PDE8B: variants seen among roughly 807,000 people sequenced by gnomAD.
The protein encoded by PDE8B is high affinity cAMP-specific and IBMX-insensitive 3',5'-cyclic phosphodiesterase 8B.
In PDE8B, 26 loss-of-function variants were observed where a neutral mutation model predicts 101.3. The ratio of observed to expected loss-of-function variants is 0.26; its 90% confidence interval spans 0.19 to 0.36. The LOEUF (loss-of-function observed/expected upper bound fraction) is 0.36, where lower values mean the gene tolerates loss of function less well. PDE8B is among the 10% of genes least tolerant of loss of function. PDE8B has a pLI of 1.00. For synonymous variants in PDE8B, 424 were observed against 429.3 expected, an observed-to-expected ratio of 0.99 and a Z score of 0.15; for missense variants, 810 against 1,163.1, an observed-to-expected ratio of 0.70 and a Z score of 4.42.
At chr5:77,156,747 C>T in the PDE8B span, among the ~76,000 whole-genome samples, 1 of 152,014 alleles carries the variant, frequency 6.6e-6, no homozygotes, top group Non-Finnish European at 1.5e-5. Context: ...AGGAGCTCCA[C>T]CCCTCACTCT....
intron 20 of PDE8B, among the ~76,000 whole-genome samples, chr5:77,423,631 A>T (rs1678771): frequency 0.091 from 2,400 of 26,512 alleles, 78 homozygotes; most frequent in South Asian, 0.13. Context: ...TGTTTTGTTT[A>T]GTTTTTTTTT....
At chr5:77,409,883 A>T (rs1390398932) in intron 14 of PDE8B, among the ~76,000 whole-genome samples, 1 of 152,218 alleles carries the variant, frequency 6.6e-6, no homozygotes, top group East Asian at 1.9e-4. Flanking sequence ...CTCCACCTGG[A>T]ACTTGAGGGC....
At chr5:77,314,382 G>C (rs941505495) in intron 2 of PDE8B, among the ~76,000 whole-genome samples, 1 of 151,966 alleles carries the variant, frequency 6.6e-6, no homozygotes, top group Admixed American at 6.6e-5. Context: ...TTGCATCTTT[G>C]TATGAATTTT....
At chr5:77,421,743 T>C in intron 19 of PDE8B, 78 bp from the exon 20 acceptor site, 3 of 1,402,560 alleles carry the variant, frequency 2.1e-6, no homozygotes, top group Non-Finnish European at 2.0e-6. Context: ...GTGATCACCA[T>C]CGAATGCCTG....
chr5:77,281,353 C>T (rs939195222), intron 1 of PDE8B, among the ~76,000 whole-genome samples: 7 of 152,132 alleles, frequency 4.6e-5, no homozygotes, highest in African/African-American at 9.7e-5. Context: ...AACAAATTGC[C>T]GCAAATTTAA....
intron 2 of PDE8B, among the ~76,000 whole-genome samples, chr5:77,318,288 C>T (rs1331238892): frequency 3.3e-5 from 5 of 152,160 alleles, no homozygotes; most frequent in African/African-American, 1.2e-4. Flanking sequence ...TCTGTCCTTA[C>T]TGCTGCTACC....
chr5:77,235,430 C>T (rs951791765), intron 1 of PDE8B, among the ~76,000 whole-genome samples: 1 of 152,192 alleles, frequency 6.6e-6, no homozygotes, highest in Admixed American at 6.5e-5. Context: ...TTCTCTGGGA[C>T]ATGCTCATGT....
chr5:77,284,251 A>G (rs115123617), intron 1 of PDE8B, among the ~76,000 whole-genome samples: 1,805 of 152,272 alleles, frequency 0.012, 34 homozygotes, highest in African/African-American at 0.041. Context: ...AATTTTCCAA[A>G]TATTTTCTTC....
intron 1 of PDE8B, among the ~76,000 whole-genome samples, chr5:77,214,583 T>C (rs1274497840): frequency 6.6e-6 from 1 of 152,178 alleles, no homozygotes; most frequent in African/African-American, 2.4e-5. Context: ...CACTCCAGAA[T>C]TTGTGAGGAT....
chr5:77,128,035 GTT>G, the PDE8B span, among the ~76,000 whole-genome samples: 1 of 152,162 alleles, frequency 6.6e-6, no homozygotes, highest in Non-Finnish European at 1.5e-5. Flanking sequence ...TGAGTTGATA[GTT>G]GTCTAACATG....
At chr5:77,388,562 T>A (rs1789226203) in intron 10 of PDE8B, among the ~76,000 whole-genome samples, 1 of 152,180 alleles carries the variant, frequency 6.6e-6, no homozygotes, top group African/African-American at 2.4e-5. Context: ...GGGACACACT[T>A]GAGGAGGCAG....
chr5:77,398,917 G>T (rs1390777679), intron 10 of PDE8B, among the ~76,000 whole-genome samples: 1 of 152,218 alleles, frequency 6.6e-6, no homozygotes, highest in Non-Finnish European at 1.5e-5. Flanking sequence ...GGGCAGGCCT[G>T]TGCACACCTA....
At chr5:77,421,590 C>CTG (rs1491392766) in intron 19 of PDE8B, among the ~76,000 whole-genome samples, 7 of 136,350 alleles carry the variant, frequency 5.1e-5, no homozygotes, top group Middle Eastern at 7.8e-3. Context: ...AACTTTCAAA[C>CTG]TCTGTGTGTG....
At position 77,418,351 on chromosome 5, in the gene PDE8B, C is replaced by T. The variant is rs185090260; in HGVS notation, c.2034C>T (p.Tyr678=). ...CAGGCAGTGAGCTTGCTGTGCTCTA[C>T]AATGACACTGCTGTTCTGGAGAGTC... is the stretch of plus-strand genomic sequence containing the variant. ...CNAGSELAVL[Y]NDTAVLESHH... Residue 678 remains tyrosine (Y), a synonymous_variant, in exon 18 of 22, where the codon TAC becomes TAT. Coordinates refer to ENST00000264917, the MANE Select transcript of PDE8B (RefSeq NM_003719.5). 1 of 1,614,062 alleles carries T rather than the reference C, an allele frequency of 6.2e-7. No individual in the cohort carries two copies. The highest frequency in any genetic ancestry group is 2.2e-5 in the East Asian group (1 of 44,878).
intron 1 of PDE8B, among the ~76,000 whole-genome samples, chr5:77,233,615 C>T (rs1042606960): frequency 6.7e-6 from 1 of 149,816 alleles, no homozygotes; most frequent in Non-Finnish European, 1.5e-5. Flanking sequence ...TAGCTACTGG[C>T]GTTTCAGTCT....
rs1402478936 is a variant in PDE8B, at chr5:77,211,481, G to C, written c.339+217G>C. 6.6e-6 allele frequency among the ~76,000 whole-genome samples: 1 copy of C among 152,250 alleles called. No individual in the cohort carries two copies. The highest frequency in any genetic ancestry group is 1.5e-5 in the Non-Finnish European group (1 of 68,054). ...TGGAGGGGTCCTGGAAGCGTCCTTAGCTGGTCCTGGGGGACTGGGCGGGGA... is the reference window on the plus strand; with the variant it reads ...TGGAGGGGTCCTGGAAGCGTCCTTACCTGGTCCTGGGGGACTGGGCGGGGA... On this transcript the variant is annotated intron_variant, in intron 1 of 21. Coordinates refer to ENST00000264917, the MANE Select transcript of PDE8B (RefSeq NM_003719.5). The surrounding 1 kb of genome is among the most constrained non-coding windows in gnomAD (Gnocchi z 4.1).
At chr5:77,425,126 A>G (rs1457865696) in intron 20 of PDE8B, among the ~76,000 whole-genome samples, 1 of 152,210 alleles carries the variant, frequency 6.6e-6, no homozygotes, top group South Asian at 2.1e-4. Flanking sequence ...CTCAGTGTAA[A>G]TGTCAGTAGT....
At chr5:77,117,167 T>C in the PDE8B span, among the ~76,000 whole-genome samples, 1 of 152,068 alleles carries the variant, frequency 6.6e-6, no homozygotes, top group Non-Finnish European at 1.5e-5. Flanking sequence ...CGGGTAGAGG[T>C]TGGAATGAGA....
At chr5:77,291,241 C>T (rs772332307) in intron 1 of PDE8B, 58 of 1,611,696 alleles carry the variant, frequency 3.6e-5, no homozygotes, top group Admixed American at 8.3e-5. Flanking sequence ...CTTAAAAAGG[C>T]CTACGCACAG....
Sources: allele counts gnomAD v4.1 joint callset (sites outside exome capture counted in the v4.1 genomes callset), GRCh38; gene constraint gnomAD v4.1.1; non-coding constraint Gnocchi (gnomAD v3.1); transcripts MANE v1.5; gene names NCBI Gene and HGNC (gene_info 2026-07-23, HGNC 2026-07-21).